The following TOP2A variants were observed in gnomAD, a reference collection of about 807,000 sequenced individuals.
TOP2A encodes DNA topoisomerase II alpha, also known as DNA topoisomerase 2-alpha.
A neutral mutation model predicts 187.2 loss-of-function variants in TOP2A; 68 were observed. That is an observed-to-expected ratio of 0.36 (90% CI 0.30 to 0.44). The LOEUF is 0.44. Among genes scored for constraint, TOP2A ranks in the 20% least tolerant of loss-of-function variants. TOP2A has a pLI of 1.00. For missense variants in TOP2A, 1,196 were observed against 1,808.7 expected (o/e 0.66, Z 6.14); for synonymous variants, 542 against 593.2 (o/e 0.91, Z 1.25).
In TOP2A at chr17:40,417,785, C is replaced by G; in HGVS notation, c.7G>C (p.Val3Leu). The G allele has an allele frequency of 1.2e-6, 2 of 1,613,534 alleles. No individual in the cohort carries two copies. Among genetic ancestry groups the G allele is most frequent in the East Asian group, 2.2e-5 (1 of 44,864 alleles). ...GCGAGCCGTACCTGCAATGGTGACA[C>G]TTCCATGGTGACGGTCGTGAAGGGG... ME[V>L]SPLQPVNENM... Residue 3 changes from valine to leucine, a missense_variant, in exon 1 of 35, where the codon GTG (valine) becomes CTG (leucine). Transcript: ENST00000423485.
At chr17:40,391,944 G>T in intron 32 of TOP2A, 124 bp downstream of exon 32, 1 of 1,092,760 alleles carries the variant, frequency 9.2e-7, no homozygotes, top group Non-Finnish European at 1.3e-6. Flanking sequence ...TCAACATAAT[G>T]TTAATAAGAA....
In TOP2A at chr17:40,392,214, T is replaced by G; in HGVS notation, c.4088+4A>C. 6.2e-7 allele frequency: 1 copy of G among 1,613,172 alleles called. No individual in the cohort carries two copies. The highest frequency in any genetic ancestry group is 8.5e-7 in the Non-Finnish European group (1 of 1,179,602). On this transcript the variant is annotated splice_donor_region_variant and intron_variant, in intron 31 of 34. Coordinates refer to ENST00000423485, the MANE Select transcript of TOP2A (RefSeq NM_001067.4). ...ACAAAACCCATATTAGATAAGATAC[T>G]TGCTTTGGGGAAGTTTTGGTCTTAG...
intron 4 of TOP2A, among the ~76,000 whole-genome samples, chr17:40,414,951 A>C (rs2035371995): frequency 6.6e-6 from 1 of 151,584 alleles, no homozygotes; most frequent in South Asian, 2.1e-4. Flanking sequence ...TTTTAAGTTA[A>C]TTCTTGGATG....
intron 1 of TOP2A, 85 bp downstream of exon 1, chr17:40,417,686 C>G (rs909252279): frequency 5.0e-6 from 8 of 1,598,818 alleles, no homozygotes; most frequent in South Asian, 1.1e-5. Context: ...TGACCGCAGC[C>G]CCAGAGCTTC....
Position 40,390,182 on chromosome 17 carries a change from C to A in TOP2A, c.4268-18G>T, listed in dbSNP as rs770391720. The A allele has an allele frequency of 1.3e-6, 2 of 1,595,814 alleles. No individual in the cohort carries two copies. The highest frequency in any genetic ancestry group is 2.2e-5 in the East Asian group (1 of 44,656). ...AGACTGACCTGCAATTCAATACAGG[C>A]ATTTGTCACAGCTGCTCTTTTTTTG... On this transcript the variant is annotated intron_variant, in intron 33 of 34. Coordinates refer to ENST00000423485, the MANE Select transcript of TOP2A (RefSeq NM_001067.4).
chr17:40,415,958 TAAC>T (rs777477076), intron 4 of TOP2A, 44 bp downstream of exon 4: 37 of 1,315,786 alleles, frequency 2.8e-5, no homozygotes, highest in Non-Finnish European at 3.8e-5. Context: ...TACATGCAGC[TAAC>T]AATAGCAACG....
intron 20 of TOP2A, among the ~76,000 whole-genome samples, chr17:40,402,041 C>A (rs2035189035): frequency 6.6e-6 from 1 of 152,070 alleles, no homozygotes; most frequent in Non-Finnish European, 1.5e-5. Context: ...TGATATGTTA[C>A]AATAGTTTAG....
At chr17:40,409,554 T>A (rs1367947947) in intron 10 of TOP2A, 1 of 403,850 alleles carries the variant, frequency 2.5e-6, no homozygotes, top group Admixed American at 3.1e-5. Flanking sequence ...AGGCCAGGAG[T>A]TCAAGACCAG....
intron 16 of TOP2A, among the ~76,000 whole-genome samples, chr17:40,406,083 TAG>T (rs2035241048): frequency 6.6e-6 from 1 of 152,100 alleles, no homozygotes; most frequent in South Asian, 2.1e-4. Flanking sequence ...GTATTTTTAG[TAG>T]AGAGGGGGTT....
intron 20 of TOP2A, among the ~76,000 whole-genome samples, chr17:40,401,879 G>A (rs961115859): frequency 2.0e-5 from 3 of 152,122 alleles, no homozygotes; most frequent in African/African-American, 7.2e-5. Context: ...GAGATGGTAT[G>A]AGAAGGAATC....
chr17:40,416,167 C>T, intron 3 of TOP2A, 99 bp from the exon 4 acceptor site: 2 of 969,992 alleles, frequency 2.1e-6, no homozygotes, highest in South Asian at 1.5e-5. Context: ...CCAAACAGCA[C>T]AGGAGTGGCA....
intron 27 of TOP2A, 151 bp downstream of exon 27, chr17:40,398,407 A>G: frequency 2.8e-6 from 2 of 716,546 alleles, no homozygotes; most frequent in South Asian, 2.1e-5. Flanking sequence ...CCTGGCCAAT[A>G]ATCTGTTCTT....
At chr17:40,393,049 C>T (rs937318294) in intron 29 of TOP2A, among the ~76,000 whole-genome samples, 24 of 152,044 alleles carry the variant, frequency 1.6e-4, no homozygotes, top group Admixed American at 6.5e-4. Context: ...TGGCTGGGTG[C>T]GGTGGCTCAC....
At chr17:40,395,045 G>A (rs2035073626) in intron 29 of TOP2A, among the ~76,000 whole-genome samples, 1 of 152,164 alleles carries the variant, frequency 6.6e-6, no homozygotes, top group South Asian at 2.1e-4. Flanking sequence ...AGCACTTTGG[G>A]AGGCCAAGGC....
intron 10 of TOP2A, 32 bp from the exon 11 acceptor site, chr17:40,408,662 T>C: frequency 1.2e-6 from 2 of 1,608,548 alleles, no homozygotes. Flanking sequence ...TTAGGGATCA[T>C]ATTAGGGAAG....
At chr17:40,392,854 GAA>G (rs1264040336) in intron 29 of TOP2A, 117 bp from the exon 30 acceptor site, 3 of 847,564 alleles carry the variant, frequency 3.5e-6, no homozygotes, top group African/African-American at 1.7e-5. Context: ...ATACAATCGT[GAA>G]AAGAGACAGA....
In TOP2A at chr17:40,390,349, C is replaced by T. The variant is rs143961301; in HGVS notation, c.4268-185G>A. Among the ~76,000 whole-genome samples the T allele has an allele frequency of 9.6e-3, 1,462 of 151,530 alleles. 27 individuals carry two copies. Among genetic ancestry groups the T allele is most frequent in the African/African-American group, 0.034 (1,386 of 41,310 alleles). Reference sequence around the variant, plus strand: ...GATTACAGGCGTGTGCCACCACACCCGGCTAATTTTTTGTATTTTTAGTAG... The same window carrying T: ...GATTACAGGCGTGTGCCACCACACCTGGCTAATTTTTTGTATTTTTAGTAG... On this transcript the variant is annotated intron_variant, in intron 33 of 34. Transcript: ENST00000423485.
chr17:40,389,717 T>C, intron 34 of TOP2A, 70 bp from the exon 35 acceptor site: 2 of 1,532,108 alleles, frequency 1.3e-6, no homozygotes, highest in Non-Finnish European at 1.8e-6. Context: ...TAAAAAAATG[T>C]ATCAAGACAC....
Position 40,392,203 on chromosome 17 carries a change from A to C in TOP2A, c.4088+15T>G, listed in dbSNP as rs369258171. 4.1e-5 allele frequency: 66 copies of C among 1,613,028 alleles called. No individual in the cohort carries two copies. The African/African-American group carries it at 8.8e-4, about 22-fold the overall frequency. On this transcript the variant is annotated intron_variant, in intron 31 of 34. Transcript: ENST00000423485. ...AAACAATCATGACAAAACCCATATT[A>C]GATAAGATACTTGCTTTGGGGAAGT...
Sources: allele counts gnomAD v4.1 joint callset (sites outside exome capture counted in the v4.1 genomes callset), GRCh38; gene constraint gnomAD v4.1.1; transcripts MANE v1.5; gene names NCBI Gene and HGNC (gene_info 2026-07-23, HGNC 2026-07-21).